Variants in GASK1A observed in about 807,000 individuals in gnomAD.
GASK1A encodes the protein golgi associated kinase 1A.
In GASK1A, 40 loss-of-function variants were observed where a neutral mutation model predicts 41.2. The observed-to-expected ratio is 0.97, with a 90% CI of 0.75 to 1.27. The LOEUF (loss-of-function observed/expected upper bound fraction) is 1.27, where lower values mean the gene tolerates loss of function less well. GASK1A is among the 50% of genes most tolerant of loss of function. GASK1A has a pLI of 0.00. For synonymous variants in GASK1A, 316 were observed against 307.1 expected (o/e 1.03, Z -0.30); for missense variants, 678 against 745.1 (o/e 0.91, Z 1.05).
At chr3:42,992,424 G>A (rs751049699) in intron 1 of GASK1A, among the ~76,000 whole-genome samples, 2 of 152,192 alleles carry the variant, frequency 1.3e-5, no homozygotes, top group African/African-American at 2.4e-5. Context: ...GGCACCTTGC[G>A]TAACAGTCAG....
chr3:42,989,103 C>T (rs1024262100), intron 1 of GASK1A, among the ~76,000 whole-genome samples: 2 of 152,154 alleles, frequency 1.3e-5, no homozygotes, highest in Non-Finnish European at 2.9e-5. Flanking sequence ...GTGCAGGAGC[C>T]GCAGTCCCTT....
At chr3:42,979,703 G>A (rs2089271596) in intron 1 of GASK1A, 58 bp downstream of exon 1, 1 of 1,244,276 alleles carries the variant, frequency 8.0e-7, no homozygotes. Flanking sequence ...CAGGACAGGT[G>A]GCTGCAGTCA....
At chr3:43,043,136 C>A (rs961302373) in intron 2 of GASK1A, among the ~76,000 whole-genome samples, 82 of 152,346 alleles carry the variant, frequency 5.4e-4, no homozygotes, top group African/African-American at 1.9e-3. Context: ...AACTCTCTGA[C>A]CCCCAGGCAG....
chr3:43,049,551 C>G (rs1364305029), intron 2 of GASK1A, among the ~76,000 whole-genome samples: 1 of 152,118 alleles, frequency 6.6e-6, no homozygotes, highest in Non-Finnish European at 1.5e-5. Flanking sequence ...GGTTCTTTGC[C>G]AAGCTGGACC....
chr3:43,030,911 G>A (rs766630437), intron 1 of GASK1A, among the ~76,000 whole-genome samples: 3 of 152,162 alleles, frequency 2.0e-5, no homozygotes, highest in South Asian at 2.1e-4. Flanking sequence ...TGCAGATCCC[G>A]GATAATCCCC....
At chr3:42,983,477 C>T (rs2089291962) in intron 1 of GASK1A, among the ~76,000 whole-genome samples, 1 of 152,008 alleles carries the variant, frequency 6.6e-6, no homozygotes, top group Non-Finnish European at 1.5e-5. Flanking sequence ...TTCTTTAAGT[C>T]TCTCTTCTCA....
intron 1 of GASK1A, among the ~76,000 whole-genome samples, chr3:43,029,084 C>T (rs994717898): frequency 6.6e-6 from 1 of 152,100 alleles, no homozygotes; most frequent in Non-Finnish European, 1.5e-5. Context: ...CTCCTCCCCT[C>T]CAGGTATGGG....
At position 42,989,163 on chromosome 3, in the gene GASK1A, T is replaced by G. The variant is rs570084816; in HGVS notation, c.3+9518T>G. 2.6e-5 allele frequency among the ~76,000 whole-genome samples: 4 copies of G among 151,912 alleles called. No individual in the cohort carries two copies. In the South Asian group the frequency reaches 8.3e-4, roughly 32 times the overall value. On this transcript the variant is annotated intron_variant, in intron 1 of 4. Transcript: ENST00000430121. ...AATGAACTGCAGCCCAGGGATAATG[T>G]GATAACTCTTACTGGCCAGGTGGAA...
chr3:43,002,179 G>C (rs911543228), intron 1 of GASK1A, among the ~76,000 whole-genome samples: 7 of 152,234 alleles, frequency 4.6e-5, no homozygotes, highest in South Asian at 2.1e-4. Context: ...TGTTTCTCAA[G>C]ACAAACCGAC....
rs561994721 is a variant in GASK1A, at chr3:42,996,893, C to T, written c.3+17248C>T. ...CACTGAGCCTCAGGACTTGTGGTCTCCTTGGAGAATGTGCACAAACTCTGA... is the reference window on the plus strand; with the variant it reads ...CACTGAGCCTCAGGACTTGTGGTCTTCTTGGAGAATGTGCACAAACTCTGA... On this transcript the variant is annotated intron_variant, in intron 1 of 4. Transcript: ENST00000430121. 2.6e-4 allele frequency among the ~76,000 whole-genome samples: 40 copies of T among 152,320 alleles called. No homozygotes were observed. The South Asian group carries it at 8.1e-3, about 31-fold the overall frequency.
intron 2 of GASK1A, among the ~76,000 whole-genome samples, chr3:43,047,062 G>C (rs2089667725): frequency 6.6e-6 from 1 of 152,264 alleles, no homozygotes; most frequent in Admixed American, 6.5e-5. Context: ...ATGTGGAAGG[G>C]AAATGTGGAG....
chr3:42,981,298 C>A (rs560493072), intron 1 of GASK1A, among the ~76,000 whole-genome samples: 2 of 152,156 alleles, frequency 1.3e-5, no homozygotes, highest in Non-Finnish European at 2.9e-5. Context: ...GCTTCTCCAT[C>A]TGAATGAAGG....
At chr3:43,033,600 G>T in intron 2 of GASK1A, 47 bp downstream of exon 2, 2 of 1,456,562 alleles carry the variant, frequency 1.4e-6, no homozygotes, top group African/African-American at 1.4e-5. Context: ...GAGGTAGGGG[G>T]TTCTGGGTGG....
chr3:43,032,308 AG>A lies in GASK1A; in HGVS notation c.46del (p.Val16Ter). 6.5e-7 allele frequency: 1 copy of A among 1,539,744 alleles called. No homozygotes were observed. Among genetic ancestry groups the A allele is most frequent in the Middle Eastern group, 1.7e-4 (1 of 5,936 alleles). The stretch of plus-strand genomic sequence containing the variant: ...GAAAGCTGCGTGGCAAGAGGCGGCC[AG>A]TGATAGCGTTCTGCCTCTTGATGAT... ...RRKLRGKRRP[V>X]IAFCLLMILS... On this transcript the variant is annotated frameshift_variant, in exon 2 of 5. Transcript: ENST00000430121. LOFTEE classifies it high-confidence loss of function.
At chr3:42,983,422 A>G (rs1397432015) in intron 1 of GASK1A, among the ~76,000 whole-genome samples, 1 of 152,100 alleles carries the variant, frequency 6.6e-6, no homozygotes, top group African/African-American at 2.4e-5. Context: ...TTCTCTAAGT[A>G]AGGATCTAGT....
In GASK1A at chr3:43,032,986, G is replaced by A. The variant is rs1271029480; in HGVS notation, c.723G>A (p.Trp241Ter). The A allele has an allele frequency of 7.1e-6, 11 of 1,551,718 alleles. No individual in the cohort carries two copies. Among genetic ancestry groups the A allele is most frequent in the South Asian group, 2.4e-5 (2 of 84,060 alleles). The change falls in exon 2 of 5, where the codon TGG becomes TGA. Residue 241 changes from tryptophan to a stop codon, truncating the protein, a stop_gained. Coordinates refer to ENST00000430121, the MANE Select transcript of GASK1A (RefSeq NM_001129908.3). LOFTEE classifies it high-confidence loss of function. Reference sequence around the variant, plus strand: ...TTGAGAAGCTGCAAGGGTCAGTATGGTGTGATGCTGAGACGCTGTTGAGCA... The same window carrying A: ...TTGAGAAGCTGCAAGGGTCAGTATGATGTGATGCTGAGACGCTGTTGAGCA... ...GSVEKLQGSV[W>*]CDAETLLSSS...
At chr3:43,052,786 A>G (rs905807673) in intron 2 of GASK1A, among the ~76,000 whole-genome samples, 2 of 152,138 alleles carry the variant, frequency 1.3e-5, no homozygotes, top group African/African-American at 4.8e-5. Flanking sequence ...CTAGATACTT[A>G]CAGCAGATAC....
intron 1 of GASK1A, among the ~76,000 whole-genome samples, chr3:42,999,649 AG>A (rs2089398179): frequency 1.3e-5 from 2 of 152,228 alleles, no homozygotes; most frequent in South Asian, 4.1e-4. Flanking sequence ...CAGCCAGTAT[AG>A]GGGTTGTGTT....
At position 43,004,344 on chromosome 3, in the gene GASK1A, C is replaced by A. The variant is rs571245722; in HGVS notation, c.3+24699C>A. On this transcript the variant is annotated intron_variant, in intron 1 of 4. Coordinates refer to ENST00000430121, the MANE Select transcript of GASK1A (RefSeq NM_001129908.3). ...ACTTCTCACCTAGCAGTTGAGACTG[C>A]AGATGTCAGATCTTGCCAATACTTC... 5.9e-4 allele frequency among the ~76,000 whole-genome samples: 90 copies of A among 152,326 alleles called. 1 individual carries two copies. In the South Asian group the frequency reaches 9.1e-3, roughly 15 times the overall value.
Sources: allele counts gnomAD v4.1 joint callset (sites outside exome capture counted in the v4.1 genomes callset), GRCh38; gene constraint gnomAD v4.1.1; transcripts MANE v1.5; gene names NCBI Gene and HGNC (gene_info 2026-07-23, HGNC 2026-07-21).